The following CCDC34 variants were observed in gnomAD, a reference collection of about 807,000 sequenced individuals.
CCDC34 encodes the protein coiled-coil domain containing 34, also known as coiled-coil domain-containing protein 34.
In CCDC34, 40 loss-of-function variants were observed where a neutral mutation model predicts 44.1. The observed-to-expected ratio is 0.91, with a 90% confidence interval of 0.70 to 1.18. CCDC34 has a LOEUF of 1.18. Among genes scored for constraint, CCDC34 ranks in the 50% most tolerant of loss-of-function variants. The probability of loss-of-function intolerance (pLI) is 0.00; values close to 1 mark genes in which losing one functional copy is unlikely to be tolerated. For synonymous variants in CCDC34, 159 were observed against 158.2 expected, an observed-to-expected ratio of 1.01 and a Z score of -0.04; for missense variants, 466 against 452.3, an observed-to-expected ratio of 1.03 and a Z score of -0.28.
chr11:27,357,569 T>A, intron 1 of CCDC34, 28 bp from the exon 2 acceptor site: 1 of 1,602,500 alleles, frequency 6.2e-7, no homozygotes, highest in Non-Finnish European at 8.5e-7. Context: ...CTATAGTACT[T>A]GTACAAGAAC....
intron 2 of CCDC34, among the ~76,000 whole-genome samples, chr11:27,356,965 C>A (rs1454251171): frequency 7.9e-6 from 1 of 126,294 alleles, no homozygotes; most frequent in African/African-American, 3.2e-5. Flanking sequence ...TAGATTCTTG[C>A]CTCTATTTTG....
rs777466394 is a variant in CCDC34 at position 27,363,094 on chromosome 11, G to A, written c.101C>T (p.Ser34Leu). ...PRSRPSSDSC[S>L]VPMTGARGQG... is the part of the protein sequence containing the mutation. Reference sequence around the variant, plus strand: ...CCCACGTGCGCCCGTCATAGGGACTGAGCAGGAGTCCGAGGAGGGCCGAGA... The same window carrying A: ...CCCACGTGCGCCCGTCATAGGGACTAAGCAGGAGTCCGAGGAGGGCCGAGA... The change falls in exon 1 of 6, where the codon TCA (serine) becomes TTA (leucine). Residue 34 changes from serine (S) to leucine (L), a missense_variant. By Grantham distance (145) the Ser-to-Leu change is moderately radical. Coordinates refer to ENST00000328697, the MANE Select transcript of CCDC34 (RefSeq NM_030771.2). 6.2e-7 allele frequency: 1 copy of A among 1,604,354 alleles called. No individual in the cohort carries two copies. Among genetic ancestry groups the A allele is most frequent in the East Asian group, 2.2e-5 (1 of 44,720 alleles).
At chr11:27,341,837 T>C (rs531934926) in intron 3 of CCDC34, among the ~76,000 whole-genome samples, 6 of 152,304 alleles carry the variant, frequency 3.9e-5, no homozygotes, top group South Asian at 4.1e-4. Context: ...AAGCAGGTGT[T>C]TGATATGGTT....
At chr11:27,343,129 G>A (rs1862384180) in intron 3 of CCDC34, among the ~76,000 whole-genome samples, 1 of 152,160 alleles carries the variant, frequency 6.6e-6, no homozygotes, top group Non-Finnish European at 1.5e-5. Flanking sequence ...GGATGGGCAT[G>A]GTCGTTCATG....
At chr11:27,342,130 C>G (rs552297483) in intron 3 of CCDC34, among the ~76,000 whole-genome samples, 1 of 151,858 alleles carries the variant, frequency 6.6e-6, no homozygotes, top group Non-Finnish European at 1.5e-5. Flanking sequence ...TGTAAATTTC[C>G]CAGTCTCAGG....
In CCDC34 at chr11:27,362,967, C is replaced by CT; in HGVS notation, c.227dup (p.Phe77ValfsTer2). ...CCCCGTCACCGTCGTCCTCGTCAAA[C>CT]TGGAAGCTCTGGTGGCCAAGGGGAG... On this transcript the variant is annotated frameshift_variant, in exon 1 of 6. Coordinates refer to ENST00000328697, the MANE Select transcript of CCDC34 (RefSeq NM_030771.2). LOFTEE classifies it high-confidence loss of function. 6.2e-7 allele frequency: 1 copy of CT among 1,614,184 alleles called. No individual in the cohort carries two copies. Among genetic ancestry groups the CT allele is most frequent in the Non-Finnish European group, 8.5e-7 (1 of 1,180,030 alleles).
At chr11:27,345,781 A>G (rs1862424228) in intron 3 of CCDC34, among the ~76,000 whole-genome samples, 1 of 152,218 alleles carries the variant, frequency 6.6e-6, no homozygotes, top group Admixed American at 6.5e-5. Flanking sequence ...CATGATTTAT[A>G]ATCCTTTGGG....
At chr11:27,351,060 T>C (rs1862498618) in intron 2 of CCDC34, among the ~76,000 whole-genome samples, 1 of 152,214 alleles carries the variant, frequency 6.6e-6, no homozygotes, top group Admixed American at 6.5e-5. Context: ...GGAAAAAGAA[T>C]GTGAAAGGTA....
rs1862467845 is a variant in CCDC34 at position 27,348,816 on chromosome 11, A to G, written c.606+1516T>C. 7 of 937,024 alleles carry G rather than the reference A, an allele frequency of 7.5e-6. No individual in the cohort carries two copies. In the South Asian group the frequency reaches 3.0e-4, roughly 40 times the overall value. The allele number at this position is 937,024 out of a possible 1,614,324, so 58.0% of individuals were successfully genotyped here. On this transcript the variant is annotated intron_variant, in intron 3 of 5. Transcript: ENST00000328697. The stretch of plus-strand genomic sequence containing the variant: ...ATAGGTCTTAAAGAAAAAAAAAAAA[A>G]AAAAAGAATAATCAATTATTCCTTA...
At chr11:27,348,803 G>GA (rs34797091) in intron 3 of CCDC34, 24,998 of 756,746 alleles carry the variant, frequency 0.033, no homozygotes, top group South Asian at 0.046. Flanking sequence ...AGGTCTTAAA[G>GA]AAAAAAAAAA....
chr11:27,344,576 CAAGAT>C (rs1411683505), intron 3 of CCDC34, among the ~76,000 whole-genome samples: 1 of 151,184 alleles, frequency 6.6e-6, no homozygotes, highest in African/African-American at 2.4e-5. Context: ...AGGAACAAGG[CAAGAT>C]AACTGCCCTC....
At chr11:27,345,787 TTGGGTATATACCCAGTAA>T (rs1169215662) in intron 3 of CCDC34, among the ~76,000 whole-genome samples, 6 of 152,226 alleles carry the variant, frequency 3.9e-5, no homozygotes, top group African/African-American at 1.4e-4. Context: ...TTATAATCCT[TTGGGTATATACCCAGTAA>T]TGGGATGGCT....
chr11:27,346,394 C>T (rs1166596579), intron 3 of CCDC34, among the ~76,000 whole-genome samples: 2 of 82,526 alleles, frequency 2.4e-5, no homozygotes, highest in Non-Finnish European at 4.4e-5. Flanking sequence ...GACTCTGACT[C>T]AAAAAAAAAG....
At chr11:27,342,196 T>C (rs1862369439) in intron 3 of CCDC34, among the ~76,000 whole-genome samples, 1 of 151,734 alleles carries the variant, frequency 6.6e-6, no homozygotes, top group Non-Finnish European at 1.5e-5. Flanking sequence ...TCAAAATTTG[T>C]TGAATAAATG....
intron 2 of CCDC34, among the ~76,000 whole-genome samples, chr11:27,351,399 A>C (rs1053333701): frequency 1.3e-5 from 2 of 152,148 alleles, no homozygotes; most frequent in African/African-American, 4.8e-5. Context: ...TCTCTTTTGC[A>C]TTTTAAACAA....
rs768638598 is a variant in CCDC34, at chr11:27,362,960, C to T, written c.235G>A (p.Glu79Lys). The T allele has an allele frequency of 2.7e-5, 44 of 1,614,060 alleles. No individual in the cohort carries two copies. Among genetic ancestry groups the T allele is most frequent in the South Asian group, 8.8e-5 (8 of 91,084 alleles). Residue 79 changes from glutamate to lysine, a missense_variant, in exon 1 of 6, where the codon GAG becomes AAG. Transcript: ENST00000328697. The part of the protein sequence containing the change: ...PLGHQSFQFD[E>K]DDGDGEDEED... ...TCATCCTCCCCGTCACCGTCGTCCT[C>T]GTCAAACTGGAAGCTCTGGTGGCCA...
chr11:27,362,813 C>A (rs1862686665), intron 1 of CCDC34, 23 bp downstream of exon 1: 2 of 1,606,262 alleles, frequency 1.2e-6, no homozygotes, highest in African/African-American at 1.3e-5. Flanking sequence ...AGGGCTGAAT[C>A]GGCCGGGCGG....
chr11:27,344,150 G>A (rs1431466422), intron 3 of CCDC34, among the ~76,000 whole-genome samples: 1 of 151,902 alleles, frequency 6.6e-6, no homozygotes, highest in Non-Finnish European at 1.5e-5. Flanking sequence ...ATATTATTGT[G>A]GCATATCTTA....
At position 27,357,425 on chromosome 11, in the gene CCDC34, C is replaced by T. The variant is rs766448184; in HGVS notation, c.476G>A (p.Arg159Gln). 26 of 1,613,756 alleles carry T rather than the reference C, an allele frequency of 1.6e-5. 1 individual carries two copies. The highest frequency in any genetic ancestry group is 1.1e-4 in the South Asian group (10 of 91,056). Residue 159 changes from arginine (R) to glutamine (Q), a missense_variant, in exon 2 of 6, where the codon CGG becomes CAG. Transcript: ENST00000328697. ...TACCTCTAGAGCTTTCAGTTGCAGC[C>T]GGTCACGTTCTTCTTTTTCTTTGCC... ...FIGKEKEERD[R>Q]LQLKALEELN...
Sources: gnomAD v4.1 joint callset for allele counts (sites outside exome capture counted in the v4.1 genomes callset) on GRCh38, gnomAD v4.1.1 for gene constraint, MANE v1.5 for transcripts, NCBI Gene and HGNC (gene_info 2026-07-23, HGNC 2026-07-21) for gene names.